MACROD2: variants seen among roughly 807,000 people sequenced by gnomAD.
MACROD2 encodes mono-ADP ribosylhydrolase 2.
A neutral mutation model predicts 70.4 loss-of-function variants in MACROD2; 36 were observed. That is an observed-to-expected ratio of 0.51 (90% CI 0.39 to 0.68). The LOEUF is 0.68. Among genes scored for constraint, MACROD2 ranks in the 30% least tolerant of loss-of-function variants. MACROD2 has a pLI of 0.00. For missense variants in MACROD2, 496 were observed against 538.4 expected, an observed-to-expected ratio of 0.92 and a Z score of 0.78; for synonymous variants, 172 against 178.8, an observed-to-expected ratio of 0.96 and a Z score of 0.30.
At chr20:15,533,139 C>A (rs2047826872) in intron 8 of MACROD2, among the ~76,000 whole-genome samples, 1 of 152,162 alleles carries the variant, frequency 6.6e-6, no homozygotes, top group South Asian at 2.1e-4. Context: ...CAAAGGAAAT[C>A]TTTTAGCAGT....
At chr20:14,896,955 A>G (rs749000046) in intron 5 of MACROD2, among the ~76,000 whole-genome samples, 1 of 152,200 alleles carries the variant, frequency 6.6e-6, no homozygotes, top group Non-Finnish European at 1.5e-5. Flanking sequence ...TTAGCAACTA[A>G]TAGGCATTTA....
chr20:15,415,790 C>A (rs1023747227), intron 6 of MACROD2, among the ~76,000 whole-genome samples: 3 of 152,268 alleles, frequency 2.0e-5, no homozygotes, highest in South Asian at 2.1e-4. Context: ...TATATCCATG[C>A]AATAAGTGAC....
intron 5 of MACROD2, among the ~76,000 whole-genome samples, chr20:15,176,536 A>T (rs2076463309): frequency 6.6e-6 from 1 of 152,100 alleles, no homozygotes; most frequent in Admixed American, 6.5e-5. Flanking sequence ...ACTGCCTACG[A>T]GTCTCCTCTC....
At chr20:14,081,896 G>A (rs913530340) in intron 2 of MACROD2, among the ~76,000 whole-genome samples, 1 of 152,140 alleles carries the variant, frequency 6.6e-6, no homozygotes, top group Admixed American at 6.5e-5. Context: ...GAGGAAAAAA[G>A]AGCCTCATGT....
intron 8 of MACROD2, among the ~76,000 whole-genome samples, chr20:15,541,723 T>C (rs1056908330): frequency 1.3e-5 from 2 of 152,220 alleles, no homozygotes; most frequent in African/African-American, 4.8e-5. Context: ...CATAACTCCT[T>C]ATTGCCCAAT....
At chr20:15,471,932 A>C (rs2046968927) in intron 7 of MACROD2, among the ~76,000 whole-genome samples, 1 of 152,184 alleles carries the variant, frequency 6.6e-6, no homozygotes, top group Non-Finnish European at 1.5e-5. Flanking sequence ...CTTACTTAAA[A>C]ACAAACAAGC....
chr20:16,038,517 A>C (rs1388284416), intron 15 of MACROD2, among the ~76,000 whole-genome samples: 9 of 137,160 alleles, frequency 6.6e-5, no homozygotes, highest in Non-Finnish European at 1.4e-4. Context: ...TTAATTCTTA[A>C]CTTGTTTTTG....
chr20:15,244,762 G>C (rs1229941936), intron 6 of MACROD2, among the ~76,000 whole-genome samples: 1 of 152,036 alleles, frequency 6.6e-6, no homozygotes, highest in Non-Finnish European at 1.5e-5. Context: ...TTTAAATTAT[G>C]GGTAATTAAA....
intron 5 of MACROD2, among the ~76,000 whole-genome samples, chr20:14,696,814 A>T (rs544738778): frequency 9.2e-5 from 14 of 151,982 alleles, no homozygotes; most frequent in South Asian, 2.1e-4. Flanking sequence ...CCTTTCTTTT[A>T]CTGATGCTCA....
At chr20:14,180,384 A>G (rs2081296279) in intron 3 of MACROD2, among the ~76,000 whole-genome samples, 1 of 152,166 alleles carries the variant, frequency 6.6e-6, no homozygotes, top group Non-Finnish European at 1.5e-5. Context: ...CTTGCTTGAT[A>G]TTCTATGGTG....
At chr20:15,890,444 G>A (rs979239050) in intron 10 of MACROD2, among the ~76,000 whole-genome samples, 4 of 152,186 alleles carry the variant, frequency 2.6e-5, no homozygotes, top group Non-Finnish European at 4.4e-5. Context: ...GGTTGCAAAT[G>A]TCCCTTTGCC....
In MACROD2 at chr20:15,965,818, G is replaced by A. The variant is rs138359521; in HGVS notation, c.908-1735G>A. Among the ~76,000 whole-genome samples, 93 of 152,266 alleles carry A rather than the reference G, an allele frequency of 6.1e-4. No homozygotes were observed. The East Asian group carries it at 0.015, about 25-fold the overall frequency. On this transcript the variant is annotated intron_variant, in intron 12 of 17. Coordinates refer to ENST00000684519, the MANE Select transcript of MACROD2 (RefSeq NM_001351661.2). ...TAAGTTAGATAACAGTTTGGCAAATGTGTCTGTGCTCAGTTTTGCTTCCAA... is the reference window on the plus strand; with the variant it reads ...TAAGTTAGATAACAGTTTGGCAAATATGTCTGTGCTCAGTTTTGCTTCCAA...
At chr20:15,729,030 T>C (rs2050904922) in intron 8 of MACROD2, among the ~76,000 whole-genome samples, 1 of 152,206 alleles carries the variant, frequency 6.6e-6, no homozygotes, top group African/African-American at 2.4e-5. Context: ...CACTATAACA[T>C]TTCTTCTTAA....
chr20:15,484,672 A>C (rs2047142247), intron 7 of MACROD2, among the ~76,000 whole-genome samples: 1 of 152,200 alleles, frequency 6.6e-6, no homozygotes, highest in African/African-American at 2.4e-5. Flanking sequence ...CACTTCTGGA[A>C]GCATGAGGGG....
At chr20:15,346,602 G>A (rs936489289) in intron 6 of MACROD2, among the ~76,000 whole-genome samples, 2 of 152,116 alleles carry the variant, frequency 1.3e-5, no homozygotes, top group Non-Finnish European at 2.9e-5. Context: ...TGTGTGTGCC[G>A]GGGGAAGGAG....
At chr20:15,466,727 A>G (rs2046895114) in intron 7 of MACROD2, among the ~76,000 whole-genome samples, 1 of 152,224 alleles carries the variant, frequency 6.6e-6, no homozygotes, top group African/African-American at 2.4e-5. Context: ...TACAAAGTGA[A>G]TTTTATTTAT....
chr20:14,023,810 G>A (rs4814273), intron 2 of MACROD2, among the ~76,000 whole-genome samples: 23,064 of 152,162 alleles, frequency 0.15, 1,946 homozygotes, highest in Admixed American at 0.22. Flanking sequence ...TAGCCTTCTA[G>A]TATAGTTTGA....
At chr20:14,906,353 G>A (rs1320441738) in intron 5 of MACROD2, among the ~76,000 whole-genome samples, 3 of 152,126 alleles carry the variant, frequency 2.0e-5, no homozygotes, top group Non-Finnish European at 4.4e-5. Flanking sequence ...AATTAGCTGG[G>A]CGTAGTGGCG....
intron 5 of MACROD2, among the ~76,000 whole-genome samples, chr20:14,783,216 A>G (rs902223242): frequency 5.9e-5 from 9 of 152,156 alleles, no homozygotes; most frequent in Admixed American, 3.3e-4. Flanking sequence ...AATGATGTGT[A>G]TGAATACCAT....
Sources: gnomAD v4.1 joint callset for allele counts (sites outside exome capture counted in the v4.1 genomes callset) on GRCh38, gnomAD v4.1.1 for gene constraint, MANE v1.5 for transcripts, NCBI Gene and HGNC (gene_info 2026-07-23, HGNC 2026-07-21) for gene names.